Variants in TBCCD1 observed in about 807,000 individuals in gnomAD.
TBCCD1 encodes TBCC domain-containing protein 1.
A neutral mutation model predicts 53.4 loss-of-function variants in TBCCD1; 26 were observed. The ratio of observed to expected loss-of-function variants is 0.49; its 90% CI spans 0.36 to 0.68. TBCCD1 has a LOEUF of 0.68. Ranked by LOEUF, TBCCD1 falls within the 30% of genes least tolerant of loss-of-function variation. TBCCD1 has a pLI of 0.00. For missense variants in TBCCD1, 558 were observed against 669.5 expected (o/e 0.83, Z 1.84); for synonymous variants, 245 against 241.7 (o/e 1.01, Z -0.13).
intron 2 of TBCCD1, among the ~76,000 whole-genome samples, chr3:186,560,490 A>G (rs530043358): frequency 6.6e-6 from 1 of 152,208 alleles, no homozygotes; most frequent in Non-Finnish European, 1.5e-5. Context: ...GGCATAAATG[A>G]ATTACAGCAA....
chr3:186,549,790 C>T (rs375680967), intron 7 of TBCCD1, among the ~76,000 whole-genome samples: 27 of 152,314 alleles, frequency 1.8e-4, no homozygotes, highest in African/African-American at 6.5e-4. Flanking sequence ...GTATTGTGTA[C>T]TACCAGCTTT....
chr3:186,553,803 G>A (rs1228474096), intron 6 of TBCCD1, among the ~76,000 whole-genome samples: 3 of 151,974 alleles, frequency 2.0e-5, no homozygotes, highest in East Asian at 3.9e-4. Context: ...ACCTAACAGT[G>A]TTTGAAATAC....
intron 1 of TBCCD1, 86 bp from the exon 2 acceptor site, chr3:186,564,458 CTG>C: frequency 2.4e-6 from 2 of 842,174 alleles, no homozygotes; most frequent in Non-Finnish European, 1.8e-6. Context: ...TCTCTCTCAA[CTG>C]TGTCATATGT....
chr3:186,550,675 ATCT>A (rs1191795721), intron 7 of TBCCD1, among the ~76,000 whole-genome samples: 2 of 151,864 alleles, frequency 1.3e-5, no homozygotes, highest in Non-Finnish European at 2.9e-5. Flanking sequence ...TTAATCCATG[ATCT>A]TCTAGTGTTC....
intron 7 of TBCCD1, among the ~76,000 whole-genome samples, chr3:186,550,845 G>A (rs964845597): frequency 6.6e-6 from 1 of 152,092 alleles, no homozygotes; most frequent in Non-Finnish European, 1.5e-5. Flanking sequence ...CTATGTATGG[G>A]GGAATGTGGT....
intron 2 of TBCCD1, among the ~76,000 whole-genome samples, chr3:186,560,337 T>C (rs1392526544): frequency 6.6e-6 from 1 of 152,236 alleles, no homozygotes; most frequent in Non-Finnish European, 1.5e-5. Context: ...TCCCTCTTCA[T>C]TGCTTGATAA....
chr3:186,555,689 G>A (rs1714520744), intron 4 of TBCCD1, among the ~76,000 whole-genome samples: 1 of 152,148 alleles, frequency 6.6e-6, no homozygotes, highest in Non-Finnish European at 1.5e-5. Flanking sequence ...GTCCTGAGGA[G>A]CTGAGATTAC....
Position 186,564,076 on chromosome 3 carries a change from T to C in TBCCD1, c.254A>G (p.Lys85Arg). The C allele has an allele frequency of 6.2e-7, 1 of 1,614,220 alleles. No homozygotes were observed. The highest frequency in any genetic ancestry group is 8.5e-7 in the Non-Finnish European group (1 of 1,180,050). ...YFEIFDSLSM[K>R]TPEERLEWSE... ...CCATTCCAGGCGCTCCTCAGGTGTC[T>C]TCATTGAAAGACTATCAAATATTTC... Residue 85 changes from lysine to arginine, a missense_variant, in exon 2 of 8, where the codon AAG (lysine) becomes AGG (arginine). Transcript: ENST00000338733.
chr3:186,564,419 T>G, intron 1 of TBCCD1, 47 bp from the exon 2 acceptor site: 1 of 1,313,220 alleles, frequency 7.6e-7, no homozygotes, highest in South Asian at 1.5e-5. Flanking sequence ...CAAGTCTCAT[T>G]TATGCATTTT....
At position 186,567,277 on chromosome 3, in the gene TBCCD1, A is replaced by T. The variant is rs1714862791; in HGVS notation, c.-54T>A. ...CCAGTGCGCGGTTACCTGCTAATGC[A>T]GGCGCCGCTCCGCCGCACTTCTCCG... On this transcript the variant is annotated 5_prime_UTR_variant, in exon 1 of 8. Transcript: ENST00000338733. 1 of 152,620 alleles carries T rather than the reference A, an allele frequency of 6.6e-6. No individual in the cohort carries two copies. Among genetic ancestry groups the T allele is most frequent in the Admixed American group, 6.5e-5 (1 of 15,278 alleles). The allele number at this position is 152,620 out of a possible 1,614,324, so 9.5% of individuals were successfully genotyped here.
At chr3:186,552,746 G>GTT (rs1284115192) in intron 6 of TBCCD1, among the ~76,000 whole-genome samples, 1 of 152,138 alleles carries the variant, frequency 6.6e-6, no homozygotes, top group Non-Finnish European at 1.5e-5. Context: ...TTGAAACACA[G>GTT]TTTTCCATGT....
chr3:186,561,744 G>A (rs984224648), intron 2 of TBCCD1, among the ~76,000 whole-genome samples: 4 of 152,146 alleles, frequency 2.6e-5, no homozygotes, highest in African/African-American at 7.2e-5. Flanking sequence ...AGCTGAGATC[G>A]CGCCACCGCG....
chr3:186,555,541 C>A (rs146886929), intron 4 of TBCCD1, among the ~76,000 whole-genome samples: 2 of 152,152 alleles, frequency 1.3e-5, no homozygotes, highest in East Asian at 1.9e-4. Flanking sequence ...CCCATTAATC[C>A]TATTTGAGTT....
chr3:186,550,728 T>C (rs1270248433), intron 7 of TBCCD1, among the ~76,000 whole-genome samples: 1 of 152,254 alleles, frequency 6.6e-6, no homozygotes, highest in Non-Finnish European at 1.5e-5. Flanking sequence ...TGGTAATTTA[T>C]TACTGCTAAT....
chr3:186,553,895 C>T (rs566259955), intron 6 of TBCCD1, among the ~76,000 whole-genome samples: 21 of 152,092 alleles, frequency 1.4e-4, no homozygotes, highest in African/African-American at 4.3e-4. Context: ...TTGCCCAGGC[C>T]GGAGTGCAAT....
intron 6 of TBCCD1, among the ~76,000 whole-genome samples, chr3:186,552,612 A>AT (rs779919894): frequency 2.0e-5 from 3 of 152,312 alleles, no homozygotes; most frequent in Non-Finnish European, 4.4e-5. Context: ...TATAAAAGTT[A>AT]TTAAACTGTC....
chr3:186,558,104 C>T (rs185695423), intron 3 of TBCCD1, among the ~76,000 whole-genome samples: 4 of 152,250 alleles, frequency 2.6e-5, no homozygotes, highest in Non-Finnish European at 4.4e-5. Context: ...CTTCTTGATG[C>T]TCCTTAGTCA....
upstream of TBCCD1, among the ~76,000 whole-genome samples, chr3:186,568,834 C>T (rs895581461): frequency 6.7e-5 from 10 of 150,010 alleles, no homozygotes; most frequent in South Asian, 1.9e-3. Context: ...ACCCAGGAGG[C>T]GGAGGTTGCA....
intron 2 of TBCCD1, among the ~76,000 whole-genome samples, chr3:186,560,994 T>C (rs1714673967): frequency 6.6e-6 from 1 of 152,154 alleles, no homozygotes. Context: ...AAGACTTAAA[T>C]GTAAGGGGTG....
Sources: allele counts gnomAD v4.1 joint callset (sites outside exome capture counted in the v4.1 genomes callset), GRCh38; gene constraint gnomAD v4.1.1; transcripts MANE v1.5; gene names NCBI Gene and HGNC (gene_info 2026-07-23, HGNC 2026-07-21).